NELL2: variants seen among roughly 807,000 people sequenced by gnomAD.
NELL2 encodes the protein neural EGFL like 2.
In NELL2, 41 loss-of-function variants were observed where a neutral mutation model predicts 109.6. The ratio of observed to expected loss-of-function variants is 0.37; its 90% CI spans 0.29 to 0.49. The LOEUF (loss-of-function observed/expected upper bound fraction) is 0.49. Among genes scored for constraint, NELL2 ranks in the 20% least tolerant of loss-of-function variants. The probability of loss-of-function intolerance (pLI) is 0.98; values close to 1 mark genes in which losing one functional copy is unlikely to be tolerated. For missense variants in NELL2, 900 were observed against 1,008.3 expected (o/e 0.89, Z 1.45); for synonymous variants, 355 against 344.7 (o/e 1.03, Z -0.33).
intron 12 of NELL2, among the ~76,000 whole-genome samples, chr12:44,681,392 ATTTTT>A (rs1948497681): frequency 6.8e-6 from 1 of 148,054 alleles, no homozygotes; most frequent in African/African-American, 2.5e-5. Context: ...TTTTTTATTT[ATTTTT>A]ATTTATTTTA....
At chr12:44,596,164 T>A (rs1300223273) in intron 15 of NELL2, among the ~76,000 whole-genome samples, 1 of 152,250 alleles carries the variant, frequency 6.6e-6, no homozygotes, top group East Asian at 1.9e-4. Flanking sequence ...AGAAAAGAAC[T>A]GCATTTTACT....
rs1592257500 is a variant in NELL2 at position 44,643,435 on chromosome 12, C to T, written c.1444+22049G>A. 3.9e-5 allele frequency among the ~76,000 whole-genome samples: 6 copies of T among 151,916 alleles called. No individual in the cohort carries two copies. In the East Asian group the frequency reaches 1.2e-3, roughly 29 times the overall value. On this transcript the variant is annotated intron_variant, in intron 13 of 19. Transcript: ENST00000429094. ...AATTTACAAAGGTACGTAGGCATTG[C>T]ATGTGTAGAAAAAAGAATAAAAAGT... is the stretch of plus-strand genomic sequence containing the variant.
At chr12:44,538,106 C>T (rs1942373916) in intron 15 of NELL2, among the ~76,000 whole-genome samples, 1 of 152,022 alleles carries the variant, frequency 6.6e-6, no homozygotes, top group Non-Finnish European at 1.5e-5. Context: ...TATTCTTATC[C>T]TTATGTCATA....
chr12:44,531,951 G>A (rs903689931), intron 16 of NELL2, among the ~76,000 whole-genome samples: 2 of 152,140 alleles, frequency 1.3e-5, no homozygotes, highest in African/African-American at 4.8e-5. Context: ...CCCTTAAATA[G>A]AGGCTACAGA....
chr12:44,624,466 C>T (rs1320442646), intron 13 of NELL2, among the ~76,000 whole-genome samples: 18 of 152,196 alleles, frequency 1.2e-4, no homozygotes, highest in Non-Finnish European at 1.9e-4. Flanking sequence ...TAATTACACC[C>T]AGCACCTCCC....
intron 15 of NELL2, among the ~76,000 whole-genome samples, chr12:44,541,905 A>C (rs1026289711): frequency 7.2e-5 from 11 of 152,300 alleles, no homozygotes; most frequent in Middle Eastern, 3.4e-3. Context: ...GTATTTTTTT[A>C]CAAAATTATT....
chr12:44,726,250 T>C (rs1939074926), intron 9 of NELL2, among the ~76,000 whole-genome samples: 1 of 149,108 alleles, frequency 6.7e-6, no homozygotes, highest in South Asian at 2.1e-4. Flanking sequence ...TTTTACTGAA[T>C]GAAACAAATC....
At position 44,674,637 on chromosome 12, in the gene NELL2, T is replaced by C. The variant is rs1220380033; in HGVS notation, c.1319-9028A>G. Among the ~76,000 whole-genome samples the C allele has an allele frequency of 4.6e-5, 7 of 152,286 alleles. No individual in the cohort carries two copies. In the East Asian group the frequency reaches 1.2e-3, roughly 25 times the overall value. On this transcript the variant is annotated intron_variant, in intron 12 of 19. Transcript: ENST00000429094. ...CAACAAATACGAGGACAGCACTGTC[T>C]TTGTAGTGATATAAAGACATTAAAG...
At chr12:44,815,242 A>T (rs1379342214) in intron 3 of NELL2, among the ~76,000 whole-genome samples, 1 of 152,214 alleles carries the variant, frequency 6.6e-6, no homozygotes, top group Non-Finnish European at 1.5e-5. Flanking sequence ...CAAAGGCTGG[A>T]AGATAGTAGA....
At chr12:44,861,003 T>G (rs1944824690) in intron 2 of NELL2, among the ~76,000 whole-genome samples, 1 of 152,146 alleles carries the variant, frequency 6.6e-6, no homozygotes, top group African/African-American at 2.4e-5. Context: ...AATACAACTT[T>G]CCAGCCCTCA....
chr12:44,607,240 T>C lies in NELL2; in HGVS notation c.1592A>G (p.Asn531Ser). ...CKAFCKDGCRNGGACIAANVC... is the reference protein window; with the variant it reads ...CKAFCKDGCRSGGACIAANVC... Reference sequence around the variant, plus strand: ...ATTAGCGGCAATACAGGCTCCTCCATTCCTACAGCCATCTTTGCAAAATGC... The same window carrying C: ...ATTAGCGGCAATACAGGCTCCTCCACTCCTACAGCCATCTTTGCAAAATGC... Residue 531 changes from asparagine to serine, a missense_variant, in exon 15 of 20, where the codon AAT (asparagine) becomes AGT (serine). Transcript: ENST00000429094. The C allele has an allele frequency of 1.9e-6, 3 of 1,612,568 alleles. No individual in the cohort carries two copies. The highest frequency in any genetic ancestry group is 2.5e-6 in the Non-Finnish European group (3 of 1,179,136).
chr12:44,534,640 G>T (rs139549454), intron 15 of NELL2, among the ~76,000 whole-genome samples: 1 of 152,052 alleles, frequency 6.6e-6, no homozygotes, highest in Non-Finnish European at 1.5e-5. Context: ...TCTTCTAACC[G>T]CAATGATGTA....
At chr12:44,809,871 CA>C (rs1420126385) in intron 3 of NELL2, among the ~76,000 whole-genome samples, 1 of 151,864 alleles carries the variant, frequency 6.6e-6, no homozygotes, top group African/African-American at 2.4e-5. Flanking sequence ...ATGTCCAAAC[CA>C]AAAAAATTGT....
intron 3 of NELL2, among the ~76,000 whole-genome samples, chr12:44,782,602 AATTTCAGAAAAATAT>A (rs1254252497): frequency 2.0e-5 from 3 of 152,046 alleles, no homozygotes; most frequent in Non-Finnish European, 4.4e-5. Context: ...TGGCTATATT[AATTTCAGAAAAATAT>A]ATTTCAGAGC....
chr12:44,580,549 T>A (rs1022984799), intron 15 of NELL2, among the ~76,000 whole-genome samples: 3 of 152,036 alleles, frequency 2.0e-5, no homozygotes, highest in African/African-American at 7.3e-5. Context: ...AAAGCCCATC[T>A]CTAATAAAAA....
intron 12 of NELL2, among the ~76,000 whole-genome samples, chr12:44,684,380 G>A (rs555135829): frequency 0.018 from 2,669 of 151,848 alleles, 32 homozygotes; most frequent in Non-Finnish European, 0.026. Context: ...TCCTGGATTC[G>A]TTAATTTTTT....
Position 44,522,514 on chromosome 12 carries a change from A to T in NELL2, c.1999-338T>A, listed in dbSNP as rs186265522. 4.4e-4 allele frequency among the ~76,000 whole-genome samples: 67 copies of T among 152,260 alleles called. 1 individual carries two copies. The highest frequency in any genetic ancestry group is 4.2e-3 in the Admixed American group (64 of 15,300). ...TGTATATTAGTATGGTAAGTTGCAT[A>T]CTAACTAAATTTTGTTTTGTTTGAG... On this transcript the variant is annotated intron_variant, in intron 17 of 19. Transcript: ENST00000429094.
chr12:44,908,518 G>C (rs1352476372), intron 1 of NELL2, among the ~76,000 whole-genome samples: 1 of 151,926 alleles, frequency 6.6e-6, no homozygotes, highest in Non-Finnish European at 1.5e-5. Flanking sequence ...ATAGGGATGA[G>C]TGAGGAAGAA....
In NELL2 at chr12:44,714,662, G is replaced by A; in HGVS notation, c.1074C>T (p.Leu358=). ...ATAGTCTTCTTACCTTGCACTCATA[G>A]AGAACACATACTCCAGAAGAGGAAT... ...TVYSSSGVCV[L]YECKDQTMKL... The change falls in exon 10 of 20, where the codon CTC becomes CTT. Residue 358 remains leucine (L), a synonymous_variant. Coordinates refer to ENST00000429094, the MANE Select transcript of NELL2 (RefSeq NM_001145108.2). 2 of 1,591,220 alleles carry A rather than the reference G, an allele frequency of 1.3e-6. No individual in the cohort carries two copies. The highest frequency in any genetic ancestry group is 2.3e-5 in the East Asian group (1 of 43,896).
Sources: allele counts gnomAD v4.1 joint callset (sites outside exome capture counted in the v4.1 genomes callset), GRCh38; gene constraint gnomAD v4.1.1; transcripts MANE v1.5; gene names NCBI Gene and HGNC (gene_info 2026-07-23, HGNC 2026-07-21).